The following FHIT variants were observed in gnomAD, a reference collection of about 807,000 sequenced individuals.
FHIT encodes fragile histidine triad diadenosine triphosphatase.
Under a neutral mutation model 17.9 loss-of-function variants are expected in FHIT, and 19 were observed. The ratio of observed to expected loss-of-function variants is 1.06; its 90% CI spans 0.74 to 1.56. The LOEUF (loss-of-function observed/expected upper bound fraction) is 1.56, where lower values mean the gene tolerates loss of function less well. FHIT is among the 40% of genes most tolerant of loss of function. The pLI, the probability that FHIT is intolerant of heterozygous loss-of-function variation, is 0.00. For missense variants in FHIT, 248 were observed against 189.2 expected (o/e 1.31, Z -1.82); for synonymous variants, 81 against 69.7 (o/e 1.16, Z -0.81).
intron 4 of FHIT, among the ~76,000 whole-genome samples, chr3:60,745,021 G>T (rs1032282259): frequency 1.3e-5 from 2 of 152,140 alleles, no homozygotes; most frequent in African/African-American, 4.8e-5. Context: ...GCAGAGGCGG[G>T]AGGATAGCAT....
intron 5 of FHIT, among the ~76,000 whole-genome samples, chr3:60,151,082 G>C (rs1036866739): frequency 2.0e-5 from 3 of 152,072 alleles, no homozygotes; most frequent in African/African-American, 7.2e-5. Context: ...TCTTTTCACG[G>C]TTTTAGTGAG....
At chr3:60,458,593 A>C (rs1464991087) in intron 5 of FHIT, among the ~76,000 whole-genome samples, 2 of 151,786 alleles carry the variant, frequency 1.3e-5, no homozygotes, top group Admixed American at 6.6e-5. Context: ...TGTAATAATA[A>C]TAATAATAAT....
rs575574211 is a variant in FHIT, at chr3:60,242,646, A to G, written c.104-228494T>C. 1.6e-3 allele frequency among the ~76,000 whole-genome samples: 247 copies of G among 152,102 alleles called. 3 individuals are homozygous for G. The highest frequency in any genetic ancestry group is 0.014 in the South Asian group (67 of 4,822). Reference sequence around the variant, plus strand: ...ACCTCTTCCCATCAGTAACTATATTATTTATTTTTAGCTGAGCACAGGGAT... The same window carrying G: ...ACCTCTTCCCATCAGTAACTATATTGTTTATTTTTAGCTGAGCACAGGGAT... On this transcript the variant is annotated intron_variant, in intron 5 of 9. Transcript: ENST00000492590.
chr3:61,119,241 T>C (rs973428062), intron 2 of FHIT, among the ~76,000 whole-genome samples: 1 of 151,814 alleles, frequency 6.6e-6, no homozygotes, highest in Non-Finnish European at 1.5e-5. Flanking sequence ...TTTTTCGAGA[T>C]GGAGTCTAGC....
At chr3:60,232,695 C>T (rs1704559536) in intron 5 of FHIT, among the ~76,000 whole-genome samples, 1 of 152,172 alleles carries the variant, frequency 6.6e-6, no homozygotes, top group Admixed American at 6.5e-5. Flanking sequence ...TTATCTCCAT[C>T]TCCATCTCCA....
At chr3:61,035,999 A>G (rs1354961608) in intron 3 of FHIT, among the ~76,000 whole-genome samples, 5 of 152,152 alleles carry the variant, frequency 3.3e-5, no homozygotes, top group Admixed American at 1.3e-4. Flanking sequence ...AAGTTTCCCA[A>G]CTCGATTAGG....
intron 4 of FHIT, among the ~76,000 whole-genome samples, chr3:60,553,666 T>C (rs1219970951): frequency 6.6e-6 from 1 of 151,866 alleles, no homozygotes; most frequent in African/African-American, 2.4e-5. Context: ...TGGTATCATA[T>C]TTACAAAAAT....
At chr3:59,991,108 A>C (rs1709211838) in intron 7 of FHIT, among the ~76,000 whole-genome samples, 1 of 152,066 alleles carries the variant, frequency 6.6e-6, no homozygotes, top group South Asian at 2.1e-4. Context: ...ATCAAGGGCC[A>C]CATCTGTTTT....
At chr3:59,753,215 G>GAGTA (rs1163330433) in intron 8 of FHIT, among the ~76,000 whole-genome samples, 12 of 151,914 alleles carry the variant, frequency 7.9e-5, no homozygotes, top group African/African-American at 2.7e-4. Context: ...CATGAGAACT[G>GAGTA]AGTAAGTAAT....
At chr3:59,886,987 G>C (rs1263007667) in intron 8 of FHIT, among the ~76,000 whole-genome samples, 1 of 152,166 alleles carries the variant, frequency 6.6e-6, no homozygotes, top group African/African-American at 2.4e-5. Context: ...TTGCATTCCT[G>C]TGGCACTCAA....
intron 5 of FHIT, among the ~76,000 whole-genome samples, chr3:60,452,022 A>G (rs2031780760): frequency 6.6e-6 from 1 of 152,182 alleles, no homozygotes; most frequent in African/African-American, 2.4e-5. Context: ...GTAATTTTCT[A>G]CAAGTTTATT....
chr3:60,733,398 T>C (rs1367863039), intron 4 of FHIT, among the ~76,000 whole-genome samples: 1 of 152,250 alleles, frequency 6.6e-6, no homozygotes, highest in Non-Finnish European at 1.5e-5. Flanking sequence ...TCTATATTCC[T>C]GTGTAGCACA....
chr3:60,081,699 G>A (rs2736785), intron 5 of FHIT, among the ~76,000 whole-genome samples: 60,878 of 151,622 alleles, frequency 0.4, 12,764 homozygotes, highest in African/African-American at 0.52. Context: ...CGATAATAAG[G>A]AAAACCCCTA....
intron 2 of FHIT, among the ~76,000 whole-genome samples, chr3:61,106,487 C>T (rs1192980520): frequency 6.6e-6 from 1 of 152,072 alleles, no homozygotes; most frequent in Admixed American, 6.6e-5. Context: ...TTGGCAACAA[C>T]CATCATTCTA....
At chr3:60,583,763 G>T (rs2037821211) in intron 4 of FHIT, among the ~76,000 whole-genome samples, 1 of 152,050 alleles carries the variant, frequency 6.6e-6, no homozygotes, top group Non-Finnish European at 1.5e-5. Context: ...CAAAGGTCTT[G>T]TCACAAAGAT....
At chr3:60,835,624 G>C (rs1702509885) in intron 3 of FHIT, among the ~76,000 whole-genome samples, 1 of 152,130 alleles carries the variant, frequency 6.6e-6, no homozygotes. Context: ...GTTTGCTTGA[G>C]ATAGGGTCTC....
intron 8 of FHIT, among the ~76,000 whole-genome samples, chr3:59,765,433 G>C (rs1489523959): frequency 6.6e-6 from 1 of 152,186 alleles, no homozygotes; most frequent in East Asian, 1.9e-4. Flanking sequence ...CAATGCTCTA[G>C]GAAAGAGGAT....
chr3:60,048,179 TTTG>T (rs1232292920), intron 5 of FHIT, among the ~76,000 whole-genome samples: 6 of 152,216 alleles, frequency 3.9e-5, no homozygotes, highest in Non-Finnish European at 7.4e-5. Flanking sequence ...TCTCTCTTTC[TTTG>T]TTTTCTTCTT....
intron 5 of FHIT, among the ~76,000 whole-genome samples, chr3:60,520,389 G>A (rs1017484953): frequency 6.6e-6 from 1 of 152,084 alleles, no homozygotes; most frequent in Non-Finnish European, 1.5e-5. Flanking sequence ...AGTAGTATCA[G>A]AACTACATTA....
Sources: allele counts gnomAD v4.1 joint callset (sites outside exome capture counted in the v4.1 genomes callset), GRCh38; gene constraint gnomAD v4.1.1; transcripts MANE v1.5; gene names NCBI Gene and HGNC (gene_info 2026-07-23, HGNC 2026-07-21).